The following MIS18BP1 variants were observed in gnomAD, a reference collection of about 807,000 sequenced individuals.
MIS18BP1 encodes the protein mis18-binding protein 1.
Under a neutral mutation model 116.1 loss-of-function variants are expected in MIS18BP1, and 72 were observed. The observed-to-expected ratio is 0.62, with a 90% CI of 0.51 to 0.75. The LOEUF is 0.75. MIS18BP1 is among the 30% of genes least tolerant of loss of function. The probability of loss-of-function intolerance (pLI) is 0.00; values close to 1 mark genes in which losing one functional copy is unlikely to be tolerated. For synonymous variants in MIS18BP1, 386 were observed against 427.0 expected, an observed-to-expected ratio of 0.90 and a Z score of 1.18; for missense variants, 1,363 against 1,303.2, an observed-to-expected ratio of 1.05 and a Z score of -0.71.
At chr14:45,233,673 C>T (rs1006285423) in intron 6 of MIS18BP1, among the ~76,000 whole-genome samples, 2 of 152,184 alleles carry the variant, frequency 1.3e-5, no homozygotes, top group African/African-American at 4.8e-5. Flanking sequence ...CTGACACACA[C>T]ACACTGATGT....
rs750307488 is a variant in MIS18BP1, at chr14:45,224,518, C to CT, written c.2068dup (p.Ser690LysfsTer15). On this transcript the variant is annotated frameshift_variant, in exon 11 of 17. Coordinates refer to ENST00000310806, the MANE Select transcript of MIS18BP1 (RefSeq NM_018353.5). LOFTEE classifies it high-confidence loss of function. ...AGTCCCCATGGACTTGCTGATGGGA[C>CT]TTTTTTTTTGACACTCTGGTATTAC... The CT allele has an allele frequency of 3.7e-5, 59 of 1,600,734 alleles. No individual in the cohort carries two copies. The highest frequency in any genetic ancestry group is 4.5e-5 in the South Asian group (4 of 89,276).
rs1306180876 is a variant in MIS18BP1, at chr14:45,242,287, T to C, written c.890A>G (p.Asn297Ser). 6.2e-7 allele frequency: 1 copy of C among 1,614,104 alleles called. No homozygotes were observed. Among genetic ancestry groups the C allele is most frequent in the Non-Finnish European group, 8.5e-7 (1 of 1,180,012 alleles). Reference protein sequence around the residue: ...TLSTNCIPIKNGSLLMVSDSE... With the variant: ...TLSTNCIPIKSGSLLMVSDSE... The stretch of plus-strand genomic sequence containing the variant: ...ATCAGAAACCATTAACAGGCTGCCA[T>C]TTTTAATAGGAATACAATTAGTACT... Residue 297 changes from asparagine to serine, a missense_variant, in exon 4 of 17, where the codon AAT becomes AGT. Transcript: ENST00000310806.
chr14:45,245,119 G>A (rs1891689710), intron 2 of MIS18BP1, among the ~76,000 whole-genome samples: 1 of 152,118 alleles, frequency 6.6e-6, no homozygotes, highest in African/African-American at 2.4e-5. Context: ...ATTATCTCTT[G>A]AACCCTTTCA....
At chr14:45,248,068 T>A (rs1178368271) in intron 1 of MIS18BP1, among the ~76,000 whole-genome samples, 1 of 147,696 alleles carries the variant, frequency 6.8e-6, no homozygotes, top group Non-Finnish European at 1.5e-5. Context: ...TTTTTTTTTT[T>A]TTTTTCTTTT....
At position 45,210,497 on chromosome 14, in the gene MIS18BP1, T is replaced by A; in HGVS notation, c.3035A>T (p.Asp1012Val). The stretch of plus-strand genomic sequence containing the variant: ...TTTGTCCATATTTGGCAGAATATCA[T>A]CATCATCTTCACTGTCCTGGAAACT... Reference protein sequence around the residue: ...LPSFQDSEDDDDILPNMDKNP... With the variant: ...LPSFQDSEDDVDILPNMDKNP... Residue 1012 changes from aspartate to valine, a missense_variant, in exon 14 of 17, where the codon GAT becomes GTT. Coordinates refer to ENST00000310806, the MANE Select transcript of MIS18BP1 (RefSeq NM_018353.5). The A allele has an allele frequency of 6.2e-7, 1 of 1,614,052 alleles. No individual in the cohort carries two copies. The highest frequency in any genetic ancestry group is 8.5e-7 in the Non-Finnish European group (1 of 1,179,950).
chr14:45,237,672 G>A lies in MIS18BP1; in HGVS notation c.1193C>T (p.Ala398Val), dbSNP rs1016022685. ...WMIKSINNNT[A>V]ICVEGKLIDV... ...CATCAATTTTCCTTCTACACATATAGCAGTATTATTATTGATGCTTTTAAT... is the reference window on the plus strand; with the variant it reads ...CATCAATTTTCCTTCTACACATATAACAGTATTATTATTGATGCTTTTAAT... The change falls in exon 5 of 17, where the codon GCT (alanine) becomes GTT (valine). Residue 398 changes from alanine to valine, a missense_variant. Coordinates refer to ENST00000310806, the MANE Select transcript of MIS18BP1 (RefSeq NM_018353.5). 6 of 1,600,624 alleles carry A rather than the reference G, an allele frequency of 3.7e-6. No individual in the cohort carries two copies. The highest frequency in any genetic ancestry group is 5.1e-6 in the Non-Finnish European group (6 of 1,175,470).
Position 45,246,742 on chromosome 14 carries a change from C to T in MIS18BP1, c.544+1G>A. On this transcript the variant is annotated splice_donor_variant, in intron 2 of 16. Coordinates refer to ENST00000310806, the MANE Select transcript of MIS18BP1 (RefSeq NM_018353.5). LOFTEE classifies it high-confidence loss of function. ...CTTTTTAGCTAACACATAAAACTAA[C>T]CTCTTAGTGAACTGTCATCTGACTG... 1 of 1,551,396 alleles carries T rather than the reference C, an allele frequency of 6.4e-7. No homozygotes were observed. Among genetic ancestry groups the T allele is most frequent in the Non-Finnish European group, 8.6e-7 (1 of 1,156,898 alleles).
At chr14:45,223,040 A>G (rs1007360915) in intron 11 of MIS18BP1, among the ~76,000 whole-genome samples, 1 of 152,184 alleles carries the variant, frequency 6.6e-6, no homozygotes, top group African/African-American at 2.4e-5. Flanking sequence ...GCAGGATTGC[A>G]TGGGGACTGA....
Position 45,235,803 on chromosome 14 carries a change from C to T in MIS18BP1, c.1348+11G>A, listed in dbSNP as rs368596730. ...TCTTAAAATAACTTATCAATAATGA[C>T]AGTCATTTACCTGCTTCTTTCATGG... On this transcript the variant is annotated intron_variant, in intron 6 of 16. Coordinates refer to ENST00000310806, the MANE Select transcript of MIS18BP1 (RefSeq NM_018353.5). The T allele has an allele frequency of 4.4e-6, 7 of 1,582,798 alleles. No homozygotes were observed. The highest frequency in any genetic ancestry group is 5.1e-6 in the Non-Finnish European group (6 of 1,167,068).
intron 4 of MIS18BP1, among the ~76,000 whole-genome samples, chr14:45,238,726 G>A (rs1891493469): frequency 6.6e-6 from 1 of 152,182 alleles, no homozygotes; most frequent in Non-Finnish European, 1.5e-5. Flanking sequence ...TGGAGAGGCA[G>A]AGGTGGGAGG....
At chr14:45,243,094 G>C (rs1891629827) in intron 2 of MIS18BP1, among the ~76,000 whole-genome samples, 1 of 152,054 alleles carries the variant, frequency 6.6e-6, no homozygotes, top group Non-Finnish European at 1.5e-5. Context: ...TTACGGTGAG[G>C]AAGAATTTTT....
rs886809602 is a variant in MIS18BP1 at position 45,242,124 on chromosome 14, T to C, written c.1053A>G (p.Ile351Met). 1.2e-6 allele frequency: 2 copies of C among 1,614,146 alleles called. No homozygotes were observed. Among genetic ancestry groups the C allele is most frequent in the Non-Finnish European group, 1.7e-6 (2 of 1,179,996 alleles). ...TTCTTTTTGACCTCCGAGGTATTGT[T>C]ATATGAAGTCTTGGTGTTGCAAGTA... The part of the protein sequence containing the change: ...KIVLATPRLH[I>M]TIPRRSKRNI... The change falls in exon 4 of 17, where the codon ATA becomes ATG. Residue 351 changes from isoleucine (I) to methionine (M), a missense_variant. Transcript: ENST00000310806.
rs747948377 is a variant in MIS18BP1, at chr14:45,242,228, T to C, written c.949A>G (p.Lys317Glu). Reference sequence around the variant, plus strand: ...GTTTTTCCATTTCCTTCCTTAACTTTCTGTTGCGAAGTCCCTTCTGTTGTC... The same window carrying C: ...GTTTTTCCATTTCCTTCCTTAACTTCCTGTTGCGAAGTCCCTTCTGTTGTC... ...ERTTEGTSQQ[K>E]VKEGNGKTVP... The change falls in exon 4 of 17, where the codon AAA becomes GAA. Residue 317 changes from lysine (K) to glutamate (E), a missense_variant. Coordinates refer to ENST00000310806, the MANE Select transcript of MIS18BP1 (RefSeq NM_018353.5). The C allele has an allele frequency of 1.9e-6, 3 of 1,614,154 alleles. No homozygotes were observed. The highest frequency in any genetic ancestry group is 1.1e-5 in the South Asian group (1 of 91,086).
At chr14:45,237,543 G>A in intron 5 of MIS18BP1, 105 bp downstream of exon 5, 1 of 1,364,876 alleles carries the variant, frequency 7.3e-7, no homozygotes. Flanking sequence ...TCATAACCTT[G>A]TTAGGTCTTT....
rs535096131 is a variant in MIS18BP1 at position 45,224,091 on chromosome 14, T to C, written c.2496A>G (p.Gln832=). ...CTTTGACGGAAGGTCTAGCTTTCTT[T>C]TGTTTGATATAAAATTCATTTTCAC... The part of the protein sequence containing the change: ...EESENEFYIK[Q]KKARPSVKET... The change falls in exon 11 of 17, where the codon CAA becomes CAG. Residue 832 remains glutamine, a synonymous_variant. Transcript: ENST00000310806. 15 of 1,612,310 alleles carry C rather than the reference T, an allele frequency of 9.3e-6. No individual in the cohort carries two copies. The East Asian group carries it at 3.1e-4, about 34-fold the overall frequency.
chr14:45,218,647 A>G (rs1203406221), intron 11 of MIS18BP1, among the ~76,000 whole-genome samples, 193 bp from the exon 12 acceptor site: 1 of 151,478 alleles, frequency 6.6e-6, no homozygotes, highest in Non-Finnish European at 1.5e-5. Context: ...TAAAATATGA[A>G]GATGTAATTT....
intron 8 of MIS18BP1, among the ~76,000 whole-genome samples, chr14:45,230,773 C>G (rs1307748677): frequency 1.3e-5 from 2 of 152,062 alleles, no homozygotes; most frequent in Non-Finnish European, 1.5e-5. Context: ...GCATGCACTA[C>G]CATGTGTGGC....
intron 13 of MIS18BP1, among the ~76,000 whole-genome samples, chr14:45,212,249 TC>T (rs1333084152): frequency 2.0e-5 from 3 of 152,162 alleles, no homozygotes; most frequent in African/African-American, 7.2e-5. Context: ...TCTCTCTCTC[TC>T]TTCCTCCATC....
chr14:45,217,906 C>T (rs575879545), intron 12 of MIS18BP1, among the ~76,000 whole-genome samples: 1 of 152,284 alleles, frequency 6.6e-6, no homozygotes, highest in East Asian at 1.9e-4. Flanking sequence ...TTTACTAGTA[C>T]TCATGAACAG....
Sources: gnomAD v4.1 joint callset for allele counts (sites outside exome capture counted in the v4.1 genomes callset) on GRCh38, gnomAD v4.1.1 for gene constraint, MANE v1.5 for transcripts, NCBI Gene and HGNC (gene_info 2026-07-23, HGNC 2026-07-21) for gene names.